DPF3: variants seen among roughly 807,000 people sequenced by gnomAD.
DPF3 encodes double PHD fingers 3.
Under a neutral mutation model 56.8 loss-of-function variants are expected in DPF3, and 18 were observed. The observed-to-expected ratio is 0.32, with a 90% CI of 0.22 to 0.47. The LOEUF (loss-of-function observed/expected upper bound fraction) is 0.47. DPF3 is among the 20% of genes least tolerant of loss of function. The pLI is 1.00. For synonymous variants in DPF3, 188 were observed against 180.2 expected (o/e 1.04, Z -0.35); for missense variants, 403 against 488.8 (o/e 0.82, Z 1.65).
intron 1 of DPF3, among the ~76,000 whole-genome samples, chr14:72,796,286 G>A (rs1892643848): frequency 6.6e-6 from 1 of 152,142 alleles, no homozygotes; most frequent in Admixed American, 6.5e-5. Context: ...CAGATCACTT[G>A]AGCTCAGGAG....
intron 2 of DPF3, among the ~76,000 whole-genome samples, chr14:72,768,704 G>A (rs1284161401): frequency 6.6e-6 from 1 of 152,124 alleles, no homozygotes; most frequent in East Asian, 1.9e-4. Context: ...ACCCTGATAA[G>A]TGAAAGCAAA....
intron 1 of DPF3, among the ~76,000 whole-genome samples, chr14:72,808,236 G>T (rs10149962): frequency 0.91 from 138,853 of 152,120 alleles, 63,529 homozygotes; most frequent in South Asian, 0.96. Flanking sequence ...GAGGTGAAAT[G>T]TAGGACCATC....
chr14:72,703,962 T>C (rs1318707630), intron 6 of DPF3, among the ~76,000 whole-genome samples: 1 of 152,232 alleles, frequency 6.6e-6, no homozygotes, highest in Non-Finnish European at 1.5e-5. Context: ...TGAAAATATC[T>C]ATGAACCAAG....
At chr14:72,641,925 C>T (rs772106695) in intron 8 of DPF3, among the ~76,000 whole-genome samples, 12 of 152,316 alleles carry the variant, frequency 7.9e-5, no homozygotes, top group South Asian at 2.1e-4. Context: ...TGTCTGTCTC[C>T]GATCACTCAC....
intron 6 of DPF3, 24 bp from the exon 7 acceptor site, chr14:72,693,237 G>T (rs1375687058): frequency 6.2e-7 from 1 of 1,612,718 alleles, no homozygotes; most frequent in South Asian, 1.1e-5. Context: ...GAGGAAAAAA[G>T]GGAGAGATAC....
intron 1 of DPF3, among the ~76,000 whole-genome samples, chr14:72,779,650 T>C (rs1891889626): frequency 1.3e-5 from 2 of 152,252 alleles, no homozygotes; most frequent in African/African-American, 4.8e-5. Flanking sequence ...ATGGGTAATA[T>C]AATCTCTACT....
At chr14:72,759,023 T>C (rs1890958519) in intron 2 of DPF3, among the ~76,000 whole-genome samples, 1 of 152,210 alleles carries the variant, frequency 6.6e-6, no homozygotes, top group Non-Finnish European at 1.5e-5. Flanking sequence ...CTGAAACTGA[T>C]ATTAGAATTA....
At chr14:72,778,371 G>A (rs1891836194) in intron 1 of DPF3, among the ~76,000 whole-genome samples, 1 of 152,122 alleles carries the variant, frequency 6.6e-6, no homozygotes, top group Admixed American at 6.5e-5. Context: ...ACATATGAGG[G>A]ATCTAGGTTG....
intron 6 of DPF3, among the ~76,000 whole-genome samples, chr14:72,695,631 G>GCTGTGT (rs1887868311): frequency 6.6e-6 from 1 of 152,098 alleles, no homozygotes; most frequent in African/African-American, 2.4e-5. Flanking sequence ...ATATTCCACG[G>GCTGTGT]AATATCCTGA....
At chr14:72,802,921 C>T (rs1892944704) in intron 1 of DPF3, among the ~76,000 whole-genome samples, 1 of 152,164 alleles carries the variant, frequency 6.6e-6, no homozygotes, top group Non-Finnish European at 1.5e-5. Flanking sequence ...ACTTCAATGA[C>T]CACATCCTGC....
intron 1 of DPF3, chr14:72,879,697 T>G: frequency 7.3e-7 from 1 of 1,371,352 alleles, no homozygotes; most frequent in Non-Finnish European, 9.6e-7. Context: ...AGCAGTTTGC[T>G]CAGACACCAG....
At chr14:72,886,534 G>A (rs1160392416) in intron 1 of DPF3, among the ~76,000 whole-genome samples, 1 of 152,124 alleles carries the variant, frequency 6.6e-6, no homozygotes, top group East Asian at 1.9e-4. Context: ...CCACTGAAAT[G>A]CACACTTTAA....
chr14:72,775,793 A>G (rs1418973484), intron 1 of DPF3, among the ~76,000 whole-genome samples: 1 of 152,156 alleles, frequency 6.6e-6, no homozygotes, highest in Non-Finnish European at 1.5e-5. Context: ...CTTTTTCAAG[A>G]TATAAGAGGA....
chr14:72,755,178 G>T (rs540209475), intron 2 of DPF3, among the ~76,000 whole-genome samples: 2 of 152,316 alleles, frequency 1.3e-5, no homozygotes, highest in East Asian at 3.9e-4. Flanking sequence ...ATCAAACACA[G>T]GTAAGTAAGA....
intron 1 of DPF3, among the ~76,000 whole-genome samples, chr14:72,820,556 A>G (rs530123877): frequency 1.3e-5 from 2 of 152,292 alleles, no homozygotes; most frequent in African/African-American, 4.8e-5. Context: ...CTAGAACACA[A>G]TTTGGAACAC....
chr14:72,671,425 C>A (rs1367540990), intron 8 of DPF3: 24 of 1,505,404 alleles, frequency 1.6e-5, no homozygotes, highest in Non-Finnish European at 2.1e-5. Flanking sequence ...CAATGCTATT[C>A]TTAATAGCAA....
intron 2 of DPF3, among the ~76,000 whole-genome samples, chr14:72,764,066 A>G (rs1891165438): frequency 6.6e-6 from 1 of 152,188 alleles, no homozygotes; most frequent in Non-Finnish European, 1.5e-5. Context: ...TTTATATGCT[A>G]ATGAGATGAC....
At chr14:72,661,602 T>C (rs1490100679) in intron 8 of DPF3, 2 of 985,482 alleles carry the variant, frequency 2.0e-6, no homozygotes, top group South Asian at 4.7e-5. Flanking sequence ...ATACATCCCA[T>C]CGGCCAAAAC....
intron 2 of DPF3, among the ~76,000 whole-genome samples, chr14:72,768,949 G>A (rs1271697769): frequency 6.6e-6 from 1 of 151,552 alleles, no homozygotes. Flanking sequence ...GTGTGTGTGT[G>A]TGTGTGTGTG....
Sources: gnomAD v4.1 joint callset for allele counts (sites outside exome capture counted in the v4.1 genomes callset) on GRCh38, gnomAD v4.1.1 for gene constraint, MANE v1.5 for transcripts, NCBI Gene and HGNC (gene_info 2026-07-23, HGNC 2026-07-21) for gene names.